SIPA1L1: variants seen among roughly 807,000 people sequenced by gnomAD.
SIPA1L1 encodes the protein signal induced proliferation associated 1 like 1.
SIPA1L1 carries 26 observed loss-of-function variants against 162.7 expected under a neutral mutation model. The ratio of observed to expected loss-of-function variants is 0.16; its 90% confidence interval spans 0.12 to 0.22. The LOEUF (loss-of-function observed/expected upper bound fraction) is 0.22. Among genes scored for constraint, SIPA1L1 ranks in the 10% least tolerant of loss-of-function variants. The pLI, the probability that SIPA1L1 is intolerant of heterozygous loss-of-function variation, is 1.00. For synonymous variants in SIPA1L1, 829 were observed against 837.4 expected, an observed-to-expected ratio of 0.99 and a Z score of 0.17; for missense variants, 1,874 against 2,241.0, an observed-to-expected ratio of 0.84 and a Z score of 3.31.
chr14:71,726,144 C>T (rs1451576792), intron 19 of SIPA1L1, among the ~76,000 whole-genome samples: 4 of 152,104 alleles, frequency 2.6e-5, no homozygotes, highest in South Asian at 4.1e-4. Flanking sequence ...AGAGTTTTGT[C>T]GAGAAATAAA....
intron 4 of SIPA1L1, among the ~76,000 whole-genome samples, chr14:71,536,828 G>A (rs1324882268): frequency 6.6e-6 from 1 of 152,194 alleles, no homozygotes; most frequent in Non-Finnish European, 1.5e-5. Flanking sequence ...GCGTTATAAT[G>A]TGTTTTTAAT....
At chr14:71,535,067 T>C (rs1381740013) in intron 4 of SIPA1L1, among the ~76,000 whole-genome samples, 1 of 152,190 alleles carries the variant, frequency 6.6e-6, no homozygotes, top group Non-Finnish European at 1.5e-5. Context: ...AAACCATCTA[T>C]AATTTTACCG....
intron 2 of SIPA1L1, among the ~76,000 whole-genome samples, chr14:71,364,270 A>G (rs1312732639): frequency 6.6e-6 from 1 of 152,190 alleles, no homozygotes; most frequent in Non-Finnish European, 1.5e-5. Flanking sequence ...TTTAATTCAT[A>G]TTCAGGGAAA....
intron 7 of SIPA1L1, among the ~76,000 whole-genome samples, chr14:71,624,508 TC>T (rs1299811654): frequency 6.6e-6 from 1 of 152,216 alleles, no homozygotes; most frequent in African/African-American, 2.4e-5. Flanking sequence ...GGTAAGTTTT[TC>T]GAGTGTCCAA....
intron 10 of SIPA1L1, among the ~76,000 whole-genome samples, chr14:71,667,611 C>G (rs899582381): frequency 1.3e-5 from 2 of 152,214 alleles, no homozygotes; most frequent in Non-Finnish European, 2.9e-5. Flanking sequence ...CTGATTCAGG[C>G]TCCAAGAAGA....
intron 4 of SIPA1L1, among the ~76,000 whole-genome samples, chr14:71,565,340 T>C (rs796557303): frequency 1.1e-4 from 17 of 152,326 alleles, no homozygotes; most frequent in African/African-American, 3.8e-4. Flanking sequence ...CAGGAGACTT[T>C]TTTGAAGTTA....
chr14:71,402,617 G>A (rs2041754811), intron 2 of SIPA1L1, among the ~76,000 whole-genome samples: 1 of 152,094 alleles, frequency 6.6e-6, no homozygotes, highest in African/African-American at 2.4e-5. Flanking sequence ...TCAAAGTGCT[G>A]GGATTACAGG....
chr14:71,563,906 A>G (rs1450670214), intron 4 of SIPA1L1, among the ~76,000 whole-genome samples: 2 of 152,208 alleles, frequency 1.3e-5, no homozygotes, highest in African/African-American at 4.8e-5. Context: ...AGAAAGTGGC[A>G]TACAGAAAGT....
chr14:71,579,869 A>C (rs1253947246), intron 4 of SIPA1L1, among the ~76,000 whole-genome samples: 1 of 152,176 alleles, frequency 6.6e-6, no homozygotes, highest in East Asian at 1.9e-4. Flanking sequence ...ACTATCCTTA[A>C]TAAAGCCATT....
chr14:71,702,412 A>G lies in SIPA1L1; in HGVS notation c.3553A>G (p.Ile1185Val), dbSNP rs779619128. ...AGTGAGCCGTAGATCCCCAGCCTCC[A>G]TTGACAGGCAGAACACCCAGTCAGA... ...FGVSRRSPAS[I>V]DRQNTQSDIG... The change falls in exon 15 of 24, where the codon ATT becomes GTT. Residue 1185 changes from isoleucine to valine, a missense_variant. Ile to Val is a conservative substitution (Grantham distance 29, BLOSUM62 3). Transcript: ENST00000381232. The G allele has an allele frequency of 1.2e-5, 19 of 1,614,136 alleles. 1 individual carries two copies. The South Asian group carries it at 2.0e-4, about 17-fold the overall frequency.
chr14:71,404,195 AG>A (rs2041883362), intron 2 of SIPA1L1, among the ~76,000 whole-genome samples: 1 of 152,196 alleles, frequency 6.6e-6, no homozygotes, highest in Admixed American at 6.5e-5. Flanking sequence ...GTAACCAAAA[AG>A]CATTCTTTTA....
At chr14:71,472,703 T>C (rs749670694) in intron 2 of SIPA1L1, among the ~76,000 whole-genome samples, 20 of 151,322 alleles carry the variant, frequency 1.3e-4, no homozygotes, top group Non-Finnish European at 2.4e-4. Flanking sequence ...TGTTTCTCAG[T>C]TTCCAAACCA....
chr14:71,719,426 C>T (rs1017305453), intron 17 of SIPA1L1, among the ~76,000 whole-genome samples: 8 of 152,230 alleles, frequency 5.3e-5, no homozygotes, highest in Non-Finnish European at 1.0e-4. Context: ...TCTAGTGCTT[C>T]GCATCCTTGC....
chr14:71,382,874 A>G (rs2040017766), intron 2 of SIPA1L1, among the ~76,000 whole-genome samples: 1 of 152,198 alleles, frequency 6.6e-6, no homozygotes, highest in African/African-American at 2.4e-5. Flanking sequence ...ATCAGAAGTG[A>G]CCATAATCAT....
intron 2 of SIPA1L1, among the ~76,000 whole-genome samples, chr14:71,334,760 A>G (rs561481251): frequency 2.2e-4 from 34 of 152,196 alleles, no homozygotes; most frequent in African/African-American, 7.5e-4. Flanking sequence ...CAGAAAACTT[A>G]TATATTCTAG....
intron 19 of SIPA1L1, among the ~76,000 whole-genome samples, chr14:71,725,259 C>T (rs759464940): frequency 2.0e-5 from 3 of 152,206 alleles, no homozygotes; most frequent in Non-Finnish European, 2.9e-5. Context: ...CCATTTGCTC[C>T]TGACCCTGTC....
chr14:71,480,622 C>G (rs1348537644), intron 2 of SIPA1L1, among the ~76,000 whole-genome samples: 1 of 151,796 alleles, frequency 6.6e-6, no homozygotes, highest in Non-Finnish European at 1.5e-5. Flanking sequence ...ATTAGCTGGG[C>G]TTGGTGGTGG....
intron 14 of SIPA1L1, among the ~76,000 whole-genome samples, chr14:71,699,738 G>A (rs113226238): frequency 6.3e-4 from 96 of 152,322 alleles, no homozygotes; most frequent in Non-Finnish European, 1.1e-3. Context: ...AAATTTGTCT[G>A]TGAGGACAAG....
At chr14:71,701,806 TCCC>T (rs2082117607) in intron 14 of SIPA1L1, among the ~76,000 whole-genome samples, 2 of 152,202 alleles carry the variant, frequency 1.3e-5, no homozygotes, top group African/African-American at 2.4e-5. Flanking sequence ...AAATTGCCCT[TCCC>T]AAAGGCAGTT....
Sources: gnomAD v4.1 joint callset for allele counts (sites outside exome capture counted in the v4.1 genomes callset) on GRCh38, gnomAD v4.1.1 for gene constraint, MANE v1.5 for transcripts, NCBI Gene and HGNC (gene_info 2026-07-23, HGNC 2026-07-21) for gene names.